KIFC2: variants seen among roughly 807,000 people sequenced by gnomAD.
The protein encoded by KIFC2 is kinesin family member C2, also known as kinesin-like protein KIFC2.
A neutral mutation model predicts 91.5 loss-of-function variants in KIFC2; 94 were observed. That is an observed-to-expected ratio of 1.03 (90% CI 0.87 to 1.22). The LOEUF (loss-of-function observed/expected upper bound fraction) is 1.22. Ranked by LOEUF, KIFC2 falls within the 50% of genes most tolerant of loss-of-function variation. The pLI, the probability that KIFC2 is intolerant of heterozygous loss-of-function variation, is 0.00. For synonymous variants in KIFC2, 729 were observed against 503.9 expected, an observed-to-expected ratio of 1.45 and a Z score of -5.98; for missense variants, 1,357 against 1,103.3, an observed-to-expected ratio of 1.23 and a Z score of -3.26.
At chr8:144,470,003 G>T (rs1182642878) in intron 12 of KIFC2, among the ~76,000 whole-genome samples, 1 of 152,232 alleles carries the variant, frequency 6.6e-6, no homozygotes, top group Non-Finnish European at 1.5e-5. Flanking sequence ...GCCTTGCCTG[G>T]ATCCCACTCT....
At position 144,472,973 on chromosome 8, in the gene KIFC2, G is replaced by A. The variant is rs765065769; in HGVS notation, c.2040G>A (p.Val680=). 90 of 1,457,014 alleles carry A rather than the reference G, an allele frequency of 6.2e-5. No individual in the cohort carries two copies. The highest frequency in any genetic ancestry group is 7.8e-5 in the Non-Finnish European group (87 of 1,112,412). 90.3% of individuals were successfully genotyped at this position (1,457,014 alleles called of 1,614,324 possible). A position where few individuals can be genotyped will look rare whatever the true frequency, so the allele number is the denominator to read the frequency against. ...MAALRAHRPH[V]PFRDSQLTRL... is the part of the protein sequence containing the mutation. Reference sequence around the variant, plus strand: ...CACTGCGGGCCCACCGGCCGCACGTGCCCTTCCGCGACTCGCAGCTCACGC... The same window carrying A: ...CACTGCGGGCCCACCGGCCGCACGTACCCTTCCGCGACTCGCAGCTCACGC... The change falls in exon 17 of 18, where the codon GTG becomes GTA. Residue 680 remains valine, a synonymous_variant. Coordinates refer to ENST00000645548, the MANE Select transcript of KIFC2 (RefSeq NM_001369769.2).
Position 144,473,259 on chromosome 8 carries a change from C to G in KIFC2, c.2246C>G (p.Ser749Cys). 1 of 1,605,364 alleles carries G rather than the reference C, an allele frequency of 6.2e-7. No individual in the cohort carries two copies. The highest frequency in any genetic ancestry group is 8.5e-7 in the Non-Finnish European group (1 of 1,176,946). Residue 749 changes from serine to cysteine, a missense_variant, in exon 18 of 18, where the codon TCC becomes TGC. Ser to Cys is a moderately radical substitution (Grantham distance 112, BLOSUM62 -1). Coordinates refer to ENST00000645548, the MANE Select transcript of KIFC2 (RefSeq NM_001369769.2). ...RVPRSSGTPSSLSTDTPLTGT... is the reference protein window; with the variant it reads ...RVPRSSGTPSCLSTDTPLTGT... Reference sequence around the variant, plus strand: ...CCGCGCTCCTCCGGGACGCCTTCTTCCCTCAGCACCGACACTCCGCTCACC... The same window carrying G: ...CCGCGCTCCTCCGGGACGCCTTCTTGCCTCAGCACCGACACTCCGCTCACC...
intron 12 of KIFC2, among the ~76,000 whole-genome samples, chr8:144,471,494 G>T (rs939583434): frequency 2.0e-4 from 31 of 151,906 alleles, no homozygotes; most frequent in African/African-American, 7.3e-4. Context: ...TGTAGTTTTT[G>T]TACAGACGGG....
Position 144,467,062 on chromosome 8 carries a change from C to T in KIFC2, c.282C>T (p.Val94=). The T allele has an allele frequency of 6.3e-7, 1 of 1,596,130 alleles. No individual in the cohort carries two copies. Among genetic ancestry groups the T allele is most frequent in the Non-Finnish European group, 8.5e-7 (1 of 1,171,834 alleles). The change falls in exon 3 of 18, where the codon GTC becomes GTT. Residue 94 remains valine, a synonymous_variant. Coordinates refer to ENST00000645548, the MANE Select transcript of KIFC2 (RefSeq NM_001369769.2). ...ALLRLAEFLS[V]QLGAEESCGG... ...TGCGCCTCGCCGAGTTCCTCTCCGT[C>T]CAGCTGGGGGCGGAAGAGAGCTGCG... is the stretch of plus-strand genomic sequence containing the variant.
rs1825060624 is a variant in KIFC2 at position 144,474,083 on chromosome 8, C to G, written c.*694C>G. The G allele has an allele frequency of 3.2e-6, 2 of 630,340 alleles. No individual in the cohort carries two copies. Among genetic ancestry groups the G allele is most frequent in the South Asian group, 4.0e-5 (2 of 50,376 alleles). 39.0% of individuals were successfully genotyped at this position (630,340 alleles called of 1,614,324 possible). A position where few individuals can be genotyped will look rare whatever the true frequency, so the allele number is the denominator to read the frequency against. On this transcript the variant is annotated 3_prime_UTR_variant, in exon 18 of 18. Coordinates refer to ENST00000645548, the MANE Select transcript of KIFC2 (RefSeq NM_001369769.2). Reference sequence around the variant, plus strand: ...TGTGCCCAGCTGGGCCACGGCCATGCGTGGGGTGGCCCAATAAACACCGTG... The same window carrying G: ...TGTGCCCAGCTGGGCCACGGCCATGGGTGGGGTGGCCCAATAAACACCGTG...
rs1242929186 is a variant in KIFC2 at position 144,467,102 on chromosome 8, C to T, written c.322C>T (p.Leu108=). The T allele has an allele frequency of 3.1e-6, 5 of 1,602,422 alleles. No homozygotes were observed. The highest frequency in any genetic ancestry group is 4.5e-5 in the East Asian group (2 of 44,718). The change falls in exon 3 of 18, where the codon CTG becomes TTG. Residue 108 remains leucine (L), a synonymous_variant. Transcript: ENST00000645548. ...AEESCGGPAD[L]GQSGEVPSLL... is the part of the protein sequence containing the mutation. ...AGAGAGCTGCGGGGGCCCGGCGGAC[C>T]TGGGCCAGGTGAGCGCGGCGGAGGG...
Position 144,473,861 on chromosome 8 carries a change from G to C in KIFC2, c.*472G>C, listed in dbSNP as rs1825049474. ...TTTCCAGACAGATGAGAGAGGGCAGGACTTCAGGCTGGATCCACCACTGGG... is the reference window on the plus strand; with the variant it reads ...TTTCCAGACAGATGAGAGAGGGCAGCACTTCAGGCTGGATCCACCACTGGG... On this transcript the variant is annotated 3_prime_UTR_variant, in exon 18 of 18. Transcript: ENST00000645548. The C allele has an allele frequency of 5.1e-6, 2 of 390,794 alleles. No individual in the cohort carries two copies. The highest frequency in any genetic ancestry group is 4.1e-5 in the African/African-American group (2 of 48,942). 24.2% of individuals were successfully genotyped at this position (390,794 alleles called of 1,614,324 possible).
chr8:144,467,407 G>T (rs754361562), intron 4 of KIFC2, 66 bp downstream of exon 4: 160 of 1,545,054 alleles, frequency 1.0e-4, no homozygotes, highest in Non-Finnish European at 1.2e-4. Context: ...AACCTGGGCG[G>T]CCTGGAGTTC....
At position 144,472,569 on chromosome 8, in the gene KIFC2, C is replaced by T; in HGVS notation, c.1732-8C>T. 1 of 1,611,700 alleles carries T rather than the reference C, an allele frequency of 6.2e-7. No individual in the cohort carries two copies. The highest frequency in any genetic ancestry group is 8.5e-7 in the Non-Finnish European group (1 of 1,179,808). On this transcript the variant is annotated splice_region_variant and splice_polypyrimidine_tract_variant and intron_variant, in intron 15 of 17. Coordinates refer to ENST00000645548, the MANE Select transcript of KIFC2 (RefSeq NM_001369769.2). ...TGCACCTGACCAGCCCTTCGCCCCG[C>T]CTTCCAGATGCTGAAACTGGGGAGG...
Position 144,468,539 on chromosome 8 carries a change from G to C in KIFC2, c.892G>C (p.Gly298Arg). ...DTTEALRAQL[G>R]VQEVQLQGLQ... Reference sequence around the variant, plus strand: ...GGGGTGGGGTTGGGCGGGGCAGCTGGGGGTGCAGGAGGTGCAGCTGCAGGG... The same window carrying C: ...GGGGTGGGGTTGGGCGGGGCAGCTGCGGGTGCAGGAGGTGCAGCTGCAGGG... The change falls in exon 9 of 18, where the codon GGG becomes CGG. Residue 298 changes from glycine (G) to arginine (R), a missense_variant. By Grantham distance (125) the Gly-to-Arg change is moderately radical (BLOSUM62 -2). Coordinates refer to ENST00000645548, the MANE Select transcript of KIFC2 (RefSeq NM_001369769.2). 1.3e-6 allele frequency: 2 copies of C among 1,574,860 alleles called. No homozygotes were observed. Among genetic ancestry groups the C allele is most frequent in the East Asian group, 2.3e-5 (1 of 43,142 alleles).
Position 144,466,495 on chromosome 8 carries a change from G to A in KIFC2, c.76G>A (p.Ala26Thr). The A allele has an allele frequency of 7.6e-7, 1 of 1,313,332 alleles. No homozygotes were observed. Among genetic ancestry groups the A allele is most frequent in the Non-Finnish European group, 9.8e-7 (1 of 1,023,956 alleles). The allele number at this position is 1,313,332 out of a possible 1,614,324, so 81.4% of individuals were successfully genotyped here. Reference protein sequence around the residue: ...FRRDGGAAAAAEPGDPAQRAR... With the variant: ...FRRDGGAAAATEPGDPAQRAR... ...CAGGGATGGTGGCGCCGCGGCGGCC[G>A]CGGAGCCCGGGGACCCCGCCCAGGT... The change falls in exon 1 of 18, where the codon GCG becomes ACG. Residue 26 changes from alanine (A) to threonine (T), a missense_variant. Ala to Thr is a moderately conservative substitution (Grantham distance 58). Transcript: ENST00000645548.
chr8:144,473,026 G>A lies in KIFC2; in HGVS notation c.2093G>A (p.Gly698Asp). The change falls in exon 17 of 18, where the codon GGC becomes GAC. Residue 698 changes from glycine to aspartate, a missense_variant. Transcript: ENST00000645548. Reference protein sequence around the residue: ...TRLLQPALGPGTTAVLLLQIS... With the variant: ...TRLLQPALGPDTTAVLLLQIS... ...CTGCTGCAGCCGGCGCTGGGCCCAG[G>A]CACCACCGCGGTGCTGCTGCTGCAG... 7.1e-7 allele frequency: 1 copy of A among 1,416,664 alleles called. No individual in the cohort carries two copies. The highest frequency in any genetic ancestry group is 9.1e-7 in the Non-Finnish European group (1 of 1,093,152). The allele number at this position is 1,416,664 out of a possible 1,614,324, so 87.8% of individuals were successfully genotyped here.
chr8:144,469,229 C>T (rs747995050), intron 10 of KIFC2, 42 bp from the exon 11 acceptor site: 5 of 1,516,426 alleles, frequency 3.3e-6, no homozygotes, highest in Non-Finnish European at 4.5e-6. Context: ...TCCGCAGCTC[C>T]TTGGCTGACC....
chr8:144,468,010 C>T, intron 7 of KIFC2, 23 bp downstream of exon 7: 1 of 1,518,236 alleles, frequency 6.6e-7, no homozygotes, highest in South Asian at 1.3e-5. Flanking sequence ...CGAGCTGCAG[C>T]CGTTCCTGCA....
In KIFC2 at chr8:144,473,955, C is replaced by T; in HGVS notation, c.*566C>T. ...TGGTGACTGATGGATGGGTAGTGGGCTGAGAAGAGGGGACTAGGAAGGGCT... is the reference window on the plus strand; with the variant it reads ...TGGTGACTGATGGATGGGTAGTGGGTTGAGAAGAGGGGACTAGGAAGGGCT... On this transcript the variant is annotated 3_prime_UTR_variant, in exon 18 of 18. Coordinates refer to ENST00000645548, the MANE Select transcript of KIFC2 (RefSeq NM_001369769.2). 2.0e-6 allele frequency: 1 copy of T among 498,594 alleles called. No homozygotes were observed. The highest frequency in any genetic ancestry group is 5.2e-4 in the Middle Eastern group (1 of 1,934). 30.9% of individuals were successfully genotyped at this position (498,594 alleles called of 1,614,324 possible). A position where few individuals can be genotyped will look rare whatever the true frequency, so the allele number is the denominator to read the frequency against.
At chr8:144,472,089 C>G in intron 13 of KIFC2, 43 bp downstream of exon 13, 1 of 1,613,090 alleles carries the variant, frequency 6.2e-7, no homozygotes, top group Non-Finnish European at 8.5e-7. Flanking sequence ...CCCCAGGGGC[C>G]CTGCATGACT....
rs1406491175 is a variant in KIFC2 at position 144,467,123 on chromosome 8, G to C, written c.330+13G>C. ...GGACCTGGGCCAGGTGAGCGCGGCG[G>C]AGGGGGCTGCTGGCAGGTACCACCT... is the stretch of plus-strand genomic sequence containing the variant. On this transcript the variant is annotated intron_variant, in intron 3 of 17. Coordinates refer to ENST00000645548, the MANE Select transcript of KIFC2 (RefSeq NM_001369769.2). 1 of 1,608,130 alleles carries C rather than the reference G, an allele frequency of 6.2e-7. No individual in the cohort carries two copies.
At chr8:144,469,072 T>C (rs950942896) in intron 10 of KIFC2, among the ~76,000 whole-genome samples, 199 bp from the exon 11 acceptor site, 2 of 152,192 alleles carry the variant, frequency 1.3e-5, no homozygotes, top group African/African-American at 4.8e-5. Flanking sequence ...GATGATGTGG[T>C]GTTCCTGCCT....
chr8:144,473,587 G>GC lies in KIFC2; in HGVS notation c.*203dup. ...GTGCCTGCTGAAGTGATCACCCCCC[G>GC]CCCCCAGCCCTGCATCAGGCCACAG... On this transcript the variant is annotated 3_prime_UTR_variant, in exon 18 of 18. Coordinates refer to ENST00000645548, the MANE Select transcript of KIFC2 (RefSeq NM_001369769.2). The GC allele has an allele frequency of 1.4e-6, 1 of 699,324 alleles. No homozygotes were observed. The highest frequency in any genetic ancestry group is 2.1e-6 in the Non-Finnish European group (1 of 478,470). 43.3% of individuals were successfully genotyped at this position (699,324 alleles called of 1,614,324 possible).
Sources: allele counts gnomAD v4.1 joint callset (sites outside exome capture counted in the v4.1 genomes callset), GRCh38; gene constraint gnomAD v4.1.1; transcripts MANE v1.5; gene names NCBI Gene and HGNC (gene_info 2026-07-23, HGNC 2026-07-21).